The following PRKCB variants were observed in gnomAD, a reference collection of about 807,000 sequenced individuals.
The protein encoded by PRKCB is protein kinase C beta type.
A neutral mutation model predicts 81.5 loss-of-function variants in PRKCB; 13 were observed. That is an observed-to-expected ratio of 0.16 (90% CI 0.10 to 0.25). The LOEUF (loss-of-function observed/expected upper bound fraction) is 0.25, where lower values mean the gene tolerates loss of function less well. PRKCB is among the 10% of genes least tolerant of loss of function. PRKCB has a pLI of 1.00. For synonymous variants in PRKCB, 335 were observed against 321.4 expected, an observed-to-expected ratio of 1.04 and a Z score of -0.45; for missense variants, 509 against 875.7, an observed-to-expected ratio of 0.58 and a Z score of 5.29.
intron 9 of PRKCB, among the ~76,000 whole-genome samples, chr16:24,131,002 A>C: frequency 6.6e-6 from 1 of 152,160 alleles, no homozygotes; most frequent in Middle Eastern, 3.2e-3. Context: ...ATCACACTCC[A>C]CACACAAAAA....
rs72777960 is a variant in PRKCB, at chr16:23,878,603, C to T, written c.205+41197C>T. Among the ~76,000 whole-genome samples, 1,044 of 152,302 alleles carry T rather than the reference C, an allele frequency of 6.9e-3. 8 individuals carry two copies. The highest frequency in any genetic ancestry group is 0.011 in the Non-Finnish European group (729 of 68,030). On this transcript the variant is annotated intron_variant, in intron 2 of 16. Coordinates refer to ENST00000643927, the MANE Select transcript of PRKCB (RefSeq NM_002738.7). Reference sequence around the variant, plus strand: ...GAAGGTAGAACATGGTTTTGTTCATCCTCAGCTGGGAACACATGTTGGCTG... The same window carrying T: ...GAAGGTAGAACATGGTTTTGTTCATTCTCAGCTGGGAACACATGTTGGCTG...
chr16:23,943,177 C>G (rs1964159229), intron 2 of PRKCB, among the ~76,000 whole-genome samples: 2 of 152,158 alleles, frequency 1.3e-5, no homozygotes, highest in Non-Finnish European at 2.9e-5. Flanking sequence ...TCGGAGTGTT[C>G]TCCACTATAA....
rs1597219736 is a variant in PRKCB at position 23,872,365 on chromosome 16, T to A, written c.205+34959T>A. Among the ~76,000 whole-genome samples the A allele has an allele frequency of 3.3e-5, 5 of 152,136 alleles. No homozygotes were observed. In the South Asian group the frequency reaches 1.0e-3, roughly 32 times the overall value. ...AGACTTCGTCTTTACAAAAAATTTT[T>A]AAAAATATTAGCTGGTGCGGTCGTG... On this transcript the variant is annotated intron_variant, in intron 2 of 16. Transcript: ENST00000643927.
At chr16:24,154,138 T>C (rs1263664068) in intron 9 of PRKCB, among the ~76,000 whole-genome samples, 2 of 152,170 alleles carry the variant, frequency 1.3e-5, no homozygotes, top group South Asian at 2.1e-4. Flanking sequence ...GGGATCAATA[T>C]ACAATCATCT....
At chr16:23,840,087 G>A (rs890308485) in intron 2 of PRKCB, among the ~76,000 whole-genome samples, 1 of 152,172 alleles carries the variant, frequency 6.6e-6, no homozygotes, top group African/African-American at 2.4e-5. Context: ...AAATTGAGAT[G>A]TTTAGAATGG....
chr16:23,845,446 G>A (rs1005095094), intron 2 of PRKCB, among the ~76,000 whole-genome samples: 8 of 152,010 alleles, frequency 5.3e-5, no homozygotes, highest in Non-Finnish European at 1.5e-5. Context: ...AGGAACTAGA[G>A]CTAAAAATCT....
intron 15 of PRKCB, among the ~76,000 whole-genome samples, chr16:24,189,171 C>A (rs1030417282): frequency 6.6e-6 from 1 of 152,184 alleles, no homozygotes; most frequent in Admixed American, 6.5e-5. Flanking sequence ...AGTTTTAGAG[C>A]TAGGCAGAGG....
intron 2 of PRKCB, among the ~76,000 whole-genome samples, chr16:23,973,273 C>G (rs1368885002): frequency 1.3e-5 from 2 of 152,036 alleles, no homozygotes; most frequent in African/African-American, 4.8e-5. Context: ...CCTTCACCTC[C>G]CGGGTTCAAG....
intron 2 of PRKCB, among the ~76,000 whole-genome samples, chr16:23,870,279 A>C (rs1369523762): frequency 6.6e-6 from 1 of 152,218 alleles, no homozygotes; most frequent in Non-Finnish European, 1.5e-5. Context: ...TATTCCATAT[A>C]AAATTCTTTC....
chr16:23,891,002 CGTGT>C (rs10551727), intron 2 of PRKCB, among the ~76,000 whole-genome samples: 34 of 147,708 alleles, frequency 2.3e-4, no homozygotes, highest in South Asian at 1.1e-3. Context: ...ATATATAATG[CGTGT>C]GTGTGTGTGT....
At chr16:23,854,554 A>G (rs11647116) in intron 2 of PRKCB, among the ~76,000 whole-genome samples, 80,204 of 151,834 alleles carry the variant, frequency 0.53, 22,295 homozygotes, top group East Asian at 0.61. Flanking sequence ...CCAGTGGGCT[A>G]TCCTGAGCAT....
At position 24,217,988 on chromosome 16, in the gene PRKCB, G is replaced by T. The variant is rs1216791411; in HGVS notation, c.*3172G>T. On this transcript the variant is annotated 3_prime_UTR_variant, in exon 17 of 17. Transcript: ENST00000643927. ...GTTTCTGGCTCGGGGACAATTATAA[G>T]TTGCAAAAAGGATAGAGGCATATCC... 2 of 985,144 alleles carry T rather than the reference G, an allele frequency of 2.0e-6. No individual in the cohort carries two copies. The highest frequency in any genetic ancestry group is 2.3e-4 in the East Asian group (2 of 8,802). 61.0% of individuals were successfully genotyped at this position (985,144 alleles called of 1,614,324 possible).
At chr16:23,978,131 A>G (rs951644298) in intron 2 of PRKCB, among the ~76,000 whole-genome samples, 22 of 152,210 alleles carry the variant, frequency 1.4e-4, no homozygotes, top group African/African-American at 4.8e-4. Flanking sequence ...AAGAGAGCTT[A>G]TAAACTGGCA....
chr16:24,102,216 C>T lies in PRKCB; in HGVS notation c.821+7919C>T, dbSNP rs34007493. On this transcript the variant is annotated intron_variant, in intron 7 of 16. Coordinates refer to ENST00000643927, the MANE Select transcript of PRKCB (RefSeq NM_002738.7). The stretch of plus-strand genomic sequence containing the variant: ...ATGCCACCCATCAGATTGATTACAA[C>T]ACCCCCTGTCCTCCATCCACCACTT... Among the ~76,000 whole-genome samples the T allele has an allele frequency of 6.2e-3, 951 of 152,332 alleles. 4 individuals are homozygous for T. The highest frequency in any genetic ancestry group is 9.9e-3 in the Non-Finnish European group (675 of 68,040).
chr16:24,085,100 T>C (rs1266381332), intron 5 of PRKCB, among the ~76,000 whole-genome samples: 1 of 144,364 alleles, frequency 6.9e-6, no homozygotes, highest in Non-Finnish European at 1.5e-5. Flanking sequence ...AATGCACTGA[T>C]GGACCAGGGG....
At position 24,180,912 on chromosome 16, in the gene PRKCB, A is replaced by G; in HGVS notation, c.1517A>G (p.Asp506Gly). The G allele has an allele frequency of 6.2e-7, 1 of 1,614,174 alleles. No homozygotes were observed. The highest frequency in any genetic ancestry group is 8.5e-7 in the Non-Finnish European group (1 of 1,180,010). Residue 506 changes from aspartate to glycine, a missense_variant, in exon 13 of 17, where the codon GAC becomes GGC. Coordinates refer to ENST00000643927, the MANE Select transcript of PRKCB (RefSeq NM_002738.7). ...VTTKTFCGTP[D>G]YIAPEIIAYQ... ...ACCAAGACATTCTGTGGCACTCCAG[A>G]CTACATCGCCCCCGAGGTGAGAGCT...
chr16:23,933,584 A>G (rs1465723754), intron 2 of PRKCB, among the ~76,000 whole-genome samples: 1 of 152,112 alleles, frequency 6.6e-6, no homozygotes, highest in Non-Finnish European at 1.5e-5. Context: ...CAATTATTAT[A>G]TTATAGACTG....
chr16:23,876,843 C>CT (rs1963021746), intron 2 of PRKCB, among the ~76,000 whole-genome samples: 1 of 152,154 alleles, frequency 6.6e-6, no homozygotes, highest in South Asian at 2.1e-4. Context: ...CTGGAATTTT[C>CT]TTTTTTTCTG....
intron 5 of PRKCB, among the ~76,000 whole-genome samples, chr16:24,073,992 G>A (rs1441259700): frequency 3.3e-5 from 5 of 152,226 alleles, no homozygotes; most frequent in South Asian, 2.1e-4. Flanking sequence ...TTAGCCGGGC[G>A]TGGTTGGTGG....
Sources: gnomAD v4.1 joint callset for allele counts (sites outside exome capture counted in the v4.1 genomes callset) on GRCh38, gnomAD v4.1.1 for gene constraint, MANE v1.5 for transcripts, NCBI Gene and HGNC (gene_info 2026-07-23, HGNC 2026-07-21) for gene names.